Variants in CADM2 observed in about 807,000 individuals in gnomAD.
The protein encoded by CADM2 is cell adhesion molecule 2, also known as immunoglobulin superfamily member 4D.
Under a neutral mutation model 49.8 loss-of-function variants are expected in CADM2, and 12 were observed. The observed-to-expected ratio is 0.24, with a 90% confidence interval of 0.15 to 0.39. The LOEUF (loss-of-function observed/expected upper bound fraction) is 0.39. CADM2 is among the 10% of genes least tolerant of loss of function. CADM2 has a pLI of 1.00. For missense variants in CADM2, 378 were observed against 492.3 expected (o/e 0.77, Z 2.20); for synonymous variants, 214 against 175.4 (o/e 1.22, Z -1.74).
At chr3:85,075,188 T>C (rs2036897538) in intron 1 of CADM2, among the ~76,000 whole-genome samples, 1 of 151,908 alleles carries the variant, frequency 6.6e-6, no homozygotes, top group African/African-American at 2.4e-5. Context: ...AACATTAAAA[T>C]GTACCTAATT....
At chr3:85,296,568 C>T in intron 1 of CADM2, among the ~76,000 whole-genome samples, 1 of 151,958 alleles carries the variant, frequency 6.6e-6, no homozygotes, top group Non-Finnish European at 1.5e-5. Context: ...CTGCTACATA[C>T]AGAAACACAG....
chr3:85,502,832 A>C (rs1250732590), intron 1 of CADM2, among the ~76,000 whole-genome samples: 1 of 152,144 alleles, frequency 6.6e-6, no homozygotes, highest in African/African-American at 2.4e-5. Context: ...AAAAGTATTC[A>C]AGAAAACCTT....
intron 1 of CADM2, among the ~76,000 whole-genome samples, chr3:85,560,477 G>T (rs2062065165): frequency 6.6e-6 from 1 of 152,208 alleles, no homozygotes; most frequent in Non-Finnish European, 1.5e-5. Context: ...TTTCTTATAT[G>T]ACTACTGCCA....
intron 1 of CADM2, among the ~76,000 whole-genome samples, chr3:85,317,084 A>G (rs1481686902): frequency 6.6e-6 from 1 of 152,126 alleles, no homozygotes; most frequent in Non-Finnish European, 1.5e-5. Flanking sequence ...CTGTGGTCAT[A>G]ATGAAGCTTG....
chr3:85,481,228 G>C (rs866158377), intron 1 of CADM2, among the ~76,000 whole-genome samples: 3 of 51,140 alleles, frequency 5.9e-5, no homozygotes, highest in Non-Finnish European at 1.7e-4. Flanking sequence ...TATATATATT[G>C]GATATATATA....
At chr3:85,177,502 C>G (rs2040816341) in intron 1 of CADM2, among the ~76,000 whole-genome samples, 1 of 151,662 alleles carries the variant, frequency 6.6e-6, no homozygotes. Flanking sequence ...CATATAATAT[C>G]TTAAAATTAT....
At chr3:85,555,946 G>A (rs948000575) in intron 1 of CADM2, among the ~76,000 whole-genome samples, 2 of 152,042 alleles carry the variant, frequency 1.3e-5, no homozygotes, top group African/African-American at 4.8e-5. Flanking sequence ...AACATGTACT[G>A]TCTGTATATC....
chr3:85,412,991 A>C (rs1364171261), intron 1 of CADM2, among the ~76,000 whole-genome samples: 2 of 151,486 alleles, frequency 1.3e-5, no homozygotes, highest in Non-Finnish European at 2.9e-5. Context: ...AACACAAAAA[A>C]TTAGCCAGGC....
chr3:85,984,624 G>A (rs1248277765), intron 8 of CADM2, among the ~76,000 whole-genome samples: 1 of 151,806 alleles, frequency 6.6e-6, no homozygotes, highest in Admixed American at 6.6e-5. Flanking sequence ...TAAATGTAGA[G>A]ATGATCTGAT....
intron 1 of CADM2, among the ~76,000 whole-genome samples, chr3:85,467,043 T>A (rs1353472814): frequency 1.3e-5 from 2 of 152,170 alleles, no homozygotes; most frequent in East Asian, 1.9e-4. Context: ...CATATTGGGG[T>A]TAAAATTCCT....
chr3:85,483,934 A>G (rs2039315281), intron 1 of CADM2, among the ~76,000 whole-genome samples: 1 of 151,756 alleles, frequency 6.6e-6, no homozygotes, highest in African/African-American at 2.4e-5. Context: ...GAATTGAGTT[A>G]CTAAATTTTT....
intron 1 of CADM2, among the ~76,000 whole-genome samples, chr3:85,641,074 T>A (rs919625458): frequency 5.3e-5 from 8 of 152,138 alleles, no homozygotes; most frequent in Non-Finnish European, 8.8e-5. Context: ...ATAGAGCATG[T>A]TAAAATTTAA....
At chr3:85,686,605 T>C (rs2066224829) in intron 1 of CADM2, among the ~76,000 whole-genome samples, 1 of 152,210 alleles carries the variant, frequency 6.6e-6, no homozygotes. Context: ...CTGTCCAGTT[T>C]ATATGATCTA....
chr3:85,287,978 A>G (rs2043677666), intron 1 of CADM2, among the ~76,000 whole-genome samples: 1 of 151,744 alleles, frequency 6.6e-6, no homozygotes, highest in South Asian at 2.1e-4. Flanking sequence ...GGATAGCATT[A>G]GGAGATATAC....
intron 2 of CADM2, among the ~76,000 whole-genome samples, chr3:85,796,965 C>T (rs779976583): frequency 1.3e-5 from 2 of 151,752 alleles, no homozygotes; most frequent in African/African-American, 2.4e-5. Context: ...TGTGGTGACA[C>T]GCACCTGCAG....
At chr3:85,636,619 ACCACTTACTCACTATCTCAC>A (rs1173590732) in intron 1 of CADM2, among the ~76,000 whole-genome samples, 1 of 152,202 alleles carries the variant, frequency 6.6e-6, no homozygotes, top group Non-Finnish European at 1.5e-5. Context: ...ACATTCACTC[ACCACTTACTCACTATCTCAC>A]CCAGAGCAAC....
intron 1 of CADM2, among the ~76,000 whole-genome samples, chr3:84,980,713 G>T (rs2032123618): frequency 6.6e-6 from 1 of 152,122 alleles, no homozygotes; most frequent in African/African-American, 2.4e-5. Flanking sequence ...TTAAATAACT[G>T]ATGCTACCTC....
chr3:85,711,518 G>T (rs2067117401), intron 1 of CADM2, among the ~76,000 whole-genome samples: 1 of 152,106 alleles, frequency 6.6e-6, no homozygotes, highest in Non-Finnish European at 1.5e-5. Context: ...ACATAGTAAA[G>T]AAAACTTTCT....
At chr3:85,273,978 G>A (rs1452899415) in intron 1 of CADM2, among the ~76,000 whole-genome samples, 3 of 151,440 alleles carry the variant, frequency 2.0e-5, no homozygotes, top group East Asian at 2.0e-4. Context: ...AGTGAGGGAG[G>A]AAAATAACTA....
Sources: gnomAD v4.1 joint callset for allele counts (sites outside exome capture counted in the v4.1 genomes callset) on GRCh38, gnomAD v4.1.1 for gene constraint, MANE v1.5 for transcripts, NCBI Gene and HGNC (gene_info 2026-07-23, HGNC 2026-07-21) for gene names.